The following RHOJ variants were observed in gnomAD, a reference collection of about 807,000 sequenced individuals.
The protein encoded by RHOJ is rho-related GTP-binding protein RhoJ.
Under a neutral mutation model 23.4 loss-of-function variants are expected in RHOJ, and 11 were observed. That is an observed-to-expected ratio of 0.47 (90% CI 0.30 to 0.78). The LOEUF (loss-of-function observed/expected upper bound fraction) is 0.78, where lower values mean the gene tolerates loss of function less well. RHOJ is among the 30% of genes least tolerant of loss of function. The pLI is 0.08. For missense variants in RHOJ, 254 were observed against 273.4 expected, an observed-to-expected ratio of 0.93 and a Z score of 0.50; for synonymous variants, 102 against 102.7, an observed-to-expected ratio of 0.99 and a Z score of 0.04.
At chr14:63,220,194 A>G (rs772550270) in intron 1 of RHOJ, among the ~76,000 whole-genome samples, 1 of 152,128 alleles carries the variant, frequency 6.6e-6, no homozygotes, top group Admixed American at 6.5e-5. Context: ...AAAATTAAGT[A>G]ATATTTTTCT....
At chr14:63,245,131 T>C (rs1159746671) in intron 1 of RHOJ, among the ~76,000 whole-genome samples, 1 of 152,238 alleles carries the variant, frequency 6.6e-6, no homozygotes, top group East Asian at 1.9e-4. Flanking sequence ...TTTGGAAATA[T>C]TAAACCCAAA....
At chr14:63,261,803 A>T (rs913188567) in intron 1 of RHOJ, among the ~76,000 whole-genome samples, 19 of 152,120 alleles carry the variant, frequency 1.2e-4, no homozygotes, top group African/African-American at 4.6e-4. Flanking sequence ...AACAAGATTT[A>T]CCATCTTACC....
intron 1 of RHOJ, among the ~76,000 whole-genome samples, chr14:63,230,115 G>C (rs1348701015): frequency 2.6e-5 from 4 of 151,948 alleles, no homozygotes; most frequent in Admixed American, 1.3e-4. Context: ...GGGTGGCAGT[G>C]GTGATGCAAG....
chr14:63,238,533 C>G (rs1451183433), intron 1 of RHOJ, among the ~76,000 whole-genome samples: 2 of 152,200 alleles, frequency 1.3e-5, no homozygotes, highest in Non-Finnish European at 2.9e-5. Flanking sequence ...CCACCCACCT[C>G]AGCTCAACCT....
chr14:63,272,917 G>A (rs1432352871), intron 2 of RHOJ, among the ~76,000 whole-genome samples: 1 of 152,164 alleles, frequency 6.6e-6, no homozygotes, highest in African/African-American at 2.4e-5. Flanking sequence ...CAGCTACTTG[G>A]GGGGCTGAGG....
At chr14:63,254,081 G>A (rs777432798) in intron 1 of RHOJ, among the ~76,000 whole-genome samples, 2 of 152,130 alleles carry the variant, frequency 1.3e-5, no homozygotes, top group African/African-American at 4.8e-5. Context: ...GATCCCCCAG[G>A]ACCTGAAATT....
intron 1 of RHOJ, among the ~76,000 whole-genome samples, chr14:63,263,447 C>T (rs965402084): frequency 6.6e-6 from 1 of 152,212 alleles, no homozygotes; most frequent in Non-Finnish European, 1.5e-5. Context: ...GACATTTGAT[C>T]TATCTCTGGC....
At chr14:63,251,977 C>T (rs184965958) in intron 1 of RHOJ, among the ~76,000 whole-genome samples, 2 of 152,012 alleles carry the variant, frequency 1.3e-5, no homozygotes, top group African/African-American at 4.8e-5. Context: ...AAAACTTAGC[C>T]GGGCTTGGTG....
chr14:63,265,906 T>C (rs2139652391), intron 1 of RHOJ, among the ~76,000 whole-genome samples: 1 of 152,322 alleles, frequency 6.6e-6, no homozygotes, highest in East Asian at 1.9e-4. Context: ...CTAGTTAAGA[T>C]AAGGGGAGTT....
intron 4 of RHOJ, among the ~76,000 whole-genome samples, chr14:63,284,598 G>A (rs1882020821): frequency 2.0e-5 from 3 of 152,180 alleles, no homozygotes; most frequent in Admixed American, 2.0e-4. Context: ...CTTTCCTTGG[G>A]TGAAATGGGT....
At chr14:63,276,445 T>C (rs1881721215) in intron 2 of RHOJ, among the ~76,000 whole-genome samples, 1 of 152,208 alleles carries the variant, frequency 6.6e-6, no homozygotes, top group African/African-American at 2.4e-5. Context: ...CTGTCTTACT[T>C]CCACATAAAT....
chr14:63,239,034 T>C (rs745557912), intron 1 of RHOJ, among the ~76,000 whole-genome samples: 1 of 152,184 alleles, frequency 6.6e-6, no homozygotes, highest in Non-Finnish European at 1.5e-5. Context: ...TAGCATGCGG[T>C]CTCTCCAGGT....
intron 1 of RHOJ, among the ~76,000 whole-genome samples, chr14:63,220,459 A>G (rs1193797358): frequency 1.3e-5 from 2 of 152,078 alleles, no homozygotes; most frequent in Non-Finnish European, 2.9e-5. Flanking sequence ...TTAAAAAAAA[A>G]AAAAATCTAG....
At chr14:63,275,497 G>T (rs181558373) in intron 2 of RHOJ, among the ~76,000 whole-genome samples, 14 of 152,032 alleles carry the variant, frequency 9.2e-5, no homozygotes, top group Non-Finnish European at 1.9e-4. Context: ...TGAACTTTTC[G>T]TGTTTCATAA....
At chr14:63,280,684 T>C (rs1267074922) in intron 2 of RHOJ, among the ~76,000 whole-genome samples, 1 of 152,208 alleles carries the variant, frequency 6.6e-6, no homozygotes, top group East Asian at 1.9e-4. Context: ...GTGAACTTTA[T>C]GGTATATATA....
rs565560316 is a variant in RHOJ at position 63,205,150 on chromosome 14, C to T, written c.178+103C>T. 47 of 1,266,692 alleles carry T rather than the reference C, an allele frequency of 3.7e-5. No homozygotes were observed. The South Asian group carries it at 6.9e-4, about 18-fold the overall frequency. 78.5% of individuals were successfully genotyped at this position (1,266,692 alleles called of 1,614,324 possible). A position where few individuals can be genotyped will look rare whatever the true frequency, so the allele number is the denominator to read the frequency against. ...TCATTTCTAATGTCAGTATTGGGTG[C>T]GGGCCTGGCAGTAACCAGGGAGCTT... On this transcript the variant is annotated intron_variant, in intron 1 of 4. Coordinates refer to ENST00000316754, the MANE Select transcript of RHOJ (RefSeq NM_020663.5).
intron 1 of RHOJ, among the ~76,000 whole-genome samples, chr14:63,228,674 A>G (rs1301527402): frequency 6.6e-6 from 1 of 152,184 alleles, no homozygotes; most frequent in Non-Finnish European, 1.5e-5. Flanking sequence ...ATTGCAATGC[A>G]CACACACTTT....
intron 1 of RHOJ, 149 bp from the exon 2 acceptor site, chr14:63,268,961 C>T: frequency 1.7e-6 from 1 of 595,804 alleles, no homozygotes; most frequent in South Asian, 2.1e-5. Context: ...GGAAATTATG[C>T]TGTCAACTTG....
In RHOJ at chr14:63,212,248, T is replaced by C; in HGVS notation, c.178+7201T>C. Among the ~76,000 whole-genome samples, 2 of 152,182 alleles carry C rather than the reference T, an allele frequency of 1.3e-5. 1 individual carries two copies. The highest frequency in any genetic ancestry group is 1.3e-4 in the Admixed American group (2 of 15,278). ...AGGAGTTTATTTAGTCACAAGGCCA[T>C]GCCTCACTGTAAAGGAGGCTGGAGG... On this transcript the variant is annotated intron_variant, in intron 1 of 4. Transcript: ENST00000316754.
Sources: gnomAD v4.1 joint callset for allele counts (sites outside exome capture counted in the v4.1 genomes callset) on GRCh38, gnomAD v4.1.1 for gene constraint, MANE v1.5 for transcripts, NCBI Gene and HGNC (gene_info 2026-07-23, HGNC 2026-07-21) for gene names.